Variants in RGS3 observed in about 807,000 individuals in gnomAD.
RGS3 encodes regulator of G protein signaling 3, also known as regulator of G-protein signalling 3.
Under a neutral mutation model 132.6 loss-of-function variants are expected in RGS3, and 80 were observed. That is an observed-to-expected ratio of 0.60 (90% CI 0.50 to 0.73). RGS3 has a LOEUF of 0.73. Ranked by LOEUF, RGS3 falls within the 30% of genes least tolerant of loss-of-function variation. The probability of loss-of-function intolerance (pLI) is 0.00; values close to 1 mark genes in which losing one functional copy is unlikely to be tolerated. For missense variants in RGS3, 1,382 were observed against 1,530.8 expected (o/e 0.90, Z 1.62); for synonymous variants, 598 against 620.6 (o/e 0.96, Z 0.54).
At chr9:113,487,354 AC>A (rs373883154) in intron 7 of RGS3, among the ~76,000 whole-genome samples, 2,030 of 146,744 alleles carry the variant, frequency 0.014, 42 homozygotes, top group African/African-American at 0.049. Flanking sequence ...CTCATGATCC[AC>A]CCGCCTCGGC....
intron 17 of RGS3, among the ~76,000 whole-genome samples, chr9:113,526,936 C>G (rs1305074604): frequency 6.6e-6 from 1 of 152,216 alleles, no homozygotes; most frequent in Non-Finnish European, 1.5e-5. Flanking sequence ...CTGGGTCAGC[C>G]CCTTGCAGCC....
At chr9:113,462,209 C>T (rs767569876) in intron 3 of RGS3, 22 of 1,580,690 alleles carry the variant, frequency 1.4e-5, no homozygotes, top group Non-Finnish European at 1.9e-5. Context: ...CAGGTAAGTC[C>T]ATCTGTCACT....
intron 10 of RGS3, 166 bp from the exon 9 acceptor site, chr9:113,505,276 C>G (rs1456224296): frequency 4.8e-6 from 3 of 620,184 alleles, no homozygotes; most frequent in Non-Finnish European, 8.7e-6. Context: ...CTCAAGTTGT[C>G]TGGGCTGAGA....
intron 15 of RGS3, among the ~76,000 whole-genome samples, chr9:113,515,449 A>G (rs553839587): frequency 1.5e-4 from 23 of 152,144 alleles, no homozygotes; most frequent in Admixed American, 7.9e-4. Flanking sequence ...TGGTCAAGAT[A>G]AAAACCCCAT....
At chr9:113,594,567 A>C (rs750133742) in intron 22 of RGS3, 36 bp downstream of exon 20, 109 of 1,555,808 alleles carry the variant, frequency 7.0e-5, no homozygotes, top group Non-Finnish European at 9.5e-5. Flanking sequence ...CCCTTTGGGG[A>C]ACTCACTGGC....
chr9:113,498,883 C>T (rs915812733), intron 10 of RGS3, among the ~76,000 whole-genome samples: 3 of 141,606 alleles, frequency 2.1e-5, no homozygotes, highest in African/African-American at 8.0e-5. Context: ...TGCCACTGCA[C>T]TCCAGCCTGG....
intron 19 of RGS3, chr9:113,581,108 C>T (rs2118958282): frequency 4.0e-6 from 2 of 498,456 alleles, no homozygotes; most frequent in Middle Eastern, 1.0e-3. Flanking sequence ...CAGTTTGTTT[C>T]TCCTGATGGA....
intron 19 of RGS3, among the ~76,000 whole-genome samples, chr9:113,573,975 CT>C (rs1834399710): frequency 6.6e-6 from 1 of 152,176 alleles, no homozygotes; most frequent in Non-Finnish European, 1.5e-5. Flanking sequence ...CACTGACTTG[CT>C]TTTTGATCTT....
At position 113,537,697 on chromosome 9, in the gene RGS3, G is replaced by A. The variant is rs1251983097; in HGVS notation, c.2037+779G>A. On this transcript the variant is annotated intron_variant, in intron 19 of 24. Coordinates refer to ENST00000350696, the Ensembl canonical transcript of RGS3. This position sits in a 1 kb window ranked among gnomAD's most constrained non-coding sequence, Gnocchi z 4.3. ...GGTTGCTCTGCTGGATCTGGGCGAA[G>A]AGGAGAGATGAAAGAAAGCTGCAGC... Among the ~76,000 whole-genome samples, 1 of 152,218 alleles carries A rather than the reference G, an allele frequency of 6.6e-6. No homozygotes were observed. Among genetic ancestry groups the A allele is most frequent in the African/African-American group, 2.4e-5 (1 of 41,454 alleles).
chr9:113,501,916 T>C (rs540248179), intron 10 of RGS3, among the ~76,000 whole-genome samples: 1 of 152,312 alleles, frequency 6.6e-6, no homozygotes, highest in East Asian at 1.9e-4. Context: ...GGGTGTGAGA[T>C]TGAAAATGCC....
chr9:113,490,721 A>T (rs185677279), intron 7 of RGS3, among the ~76,000 whole-genome samples: 4 of 140,826 alleles, frequency 2.8e-5, no homozygotes, highest in African/African-American at 2.6e-5. Flanking sequence ...TGGTATATAT[A>T]ATTATATATA....
At chr9:113,474,009 A>G (rs990226066) in intron 3 of RGS3, among the ~76,000 whole-genome samples, 1 of 152,106 alleles carries the variant, frequency 6.6e-6, no homozygotes. Flanking sequence ...CAGGAGTTTT[A>G]TTTTACCAGC....
At chr9:113,529,289 G>A (rs1244039703) in intron 18 of RGS3, 25 bp downstream of exon 16, 1 of 1,596,910 alleles carries the variant, frequency 6.3e-7, no homozygotes, top group Non-Finnish European at 8.6e-7. Flanking sequence ...CTGGATTTGA[G>A]GAGAGAGATC....
intron 3 of RGS3, among the ~76,000 whole-genome samples, chr9:113,471,017 T>G (rs1829813376): frequency 6.6e-6 from 1 of 152,256 alleles, no homozygotes; most frequent in South Asian, 2.1e-4. Context: ...TTGTTATTAT[T>G]ATTATTTTCT....
chr9:113,461,310 G>A (rs1588130814), intron 1 of RGS3, among the ~76,000 whole-genome samples: 1 of 152,158 alleles, frequency 6.6e-6, no homozygotes, highest in East Asian at 1.9e-4. Context: ...CAACTCTCCT[G>A]CCTTCTTGGG....
At chr9:113,536,849 A>T in exon 19 of RGS3, 2 of 1,614,120 alleles carry the variant, frequency 1.2e-6, no homozygotes, top group East Asian at 4.5e-5. Context: ...AGAAGAAGAG[A>T]GTGTGCTGGT....
At chr9:113,501,294 C>G (rs1016891910) in intron 10 of RGS3, 7 of 734,548 alleles carry the variant, frequency 9.5e-6, no homozygotes, top group Non-Finnish European at 1.4e-5. Flanking sequence ...AAGGCGCCCT[C>G]TCCCCGCCGG....
intron 3 of RGS3, among the ~76,000 whole-genome samples, chr9:113,475,935 CT>C (rs1281543051): frequency 1.3e-5 from 2 of 151,292 alleles, no homozygotes; most frequent in African/African-American, 4.9e-5. Context: ...TTTTCTTTTT[CT>C]TTTTTTTCCT....
intron 10 of RGS3, among the ~76,000 whole-genome samples, chr9:113,504,033 G>A (rs989164597): frequency 6.6e-6 from 1 of 152,040 alleles, no homozygotes; most frequent in African/African-American, 2.4e-5. Context: ...TTACAAACTT[G>A]CTTTGAATCC....
Sources: allele counts gnomAD v4.1 joint callset (sites outside exome capture counted in the v4.1 genomes callset), GRCh38; gene constraint gnomAD v4.1.1; non-coding constraint Gnocchi (gnomAD v3.1); transcripts MANE v1.5; gene names NCBI Gene and HGNC (gene_info 2026-07-23, HGNC 2026-07-21).